The following CASTOR2 variants were observed in gnomAD, a reference collection of about 807,000 sequenced individuals.
CASTOR2 encodes cytosolic arginine sensor for mTORC1 subunit 2, also known as GATS protein like 2.
A neutral mutation model predicts 31.2 loss-of-function variants in CASTOR2; 8 were observed. That is an observed-to-expected ratio of 0.26 (90% CI 0.15 to 0.46). The LOEUF (loss-of-function observed/expected upper bound fraction) is 0.46, where lower values mean the gene tolerates loss of function less well. Ranked by LOEUF, CASTOR2 falls within the 20% of genes least tolerant of loss-of-function variation. The probability of loss-of-function intolerance (pLI) is 0.99; values close to 1 mark genes in which losing one functional copy is unlikely to be tolerated. For synonymous variants in CASTOR2, 162 were observed against 158.7 expected (o/e 1.02, Z -0.16); for missense variants, 216 against 382.1 (o/e 0.57, Z 3.62).
intron 1 of CASTOR2, among the ~76,000 whole-genome samples, chr7:74,984,123 G>A (rs1271859437): frequency 2.7e-5 from 4 of 149,170 alleles, no homozygotes; most frequent in African/African-American, 9.9e-5. Flanking sequence ...TTGTCTGGGG[G>A]CATTCTAAAA....
At position 75,021,794 on chromosome 7, in the gene CASTOR2, T is replaced by G. The variant is rs1001205301; in HGVS notation, c.747-80T>G. 7.6e-5 allele frequency: 116 copies of G among 1,518,684 alleles called. No individual in the cohort carries two copies. The African/African-American group carries it at 1.3e-3, about 17-fold the overall frequency. 94.1% of individuals were successfully genotyped at this position (1,518,684 alleles called of 1,614,324 possible). ...CTGCCTGGCCAGCCCCATGCCTCGCTCTGGCTGGTGCACCAGCACACCAAG... is the reference window on the plus strand; with the variant it reads ...CTGCCTGGCCAGCCCCATGCCTCGCGCTGGCTGGTGCACCAGCACACCAAG... On this transcript the variant is annotated intron_variant, in intron 6 of 8. Transcript: ENST00000616305.
intron 1 of CASTOR2, among the ~76,000 whole-genome samples, chr7:75,000,183 G>A (rs1335756129): frequency 6.6e-6 from 1 of 152,316 alleles, no homozygotes; most frequent in African/African-American, 2.4e-5. Context: ...CTATGATCAT[G>A]CCAGTGCACT....
intron 2 of CASTOR2, among the ~76,000 whole-genome samples, chr7:75,009,265 T>TTTC (rs1382468771): frequency 3.5e-5 from 4 of 113,264 alleles, no homozygotes; most frequent in Admixed American, 8.9e-5. Context: ...CTGAGAACTT[T>TTTC]TTTTTTTTTT....
At chr7:74,990,255 G>A (rs1554437168) in intron 1 of CASTOR2, among the ~76,000 whole-genome samples, 1 of 152,000 alleles carries the variant, frequency 6.6e-6, no homozygotes, top group Non-Finnish European at 1.5e-5. Context: ...GGGCATGGTA[G>A]TGGTTGCCTG....
chr7:74,977,171 T>G (rs1584458649), intron 1 of CASTOR2, among the ~76,000 whole-genome samples: 1 of 103,464 alleles, frequency 9.7e-6, no homozygotes, highest in Non-Finnish European at 1.8e-5. Flanking sequence ...GTGACAAGAG[T>G]GAAACTCCAT....
At chr7:75,021,984 A>C (rs1805016284) in intron 7 of CASTOR2, 28 bp downstream of exon 7, 7 of 1,549,554 alleles carry the variant, frequency 4.5e-6, no homozygotes, top group Non-Finnish European at 6.1e-6. Context: ...TACATGGGGA[A>C]TTGAGGGAGC....
chr7:75,010,312 TA>T (rs1360816175), intron 2 of CASTOR2, among the ~76,000 whole-genome samples: 1 of 151,982 alleles, frequency 6.6e-6, no homozygotes, highest in Non-Finnish European at 1.5e-5. Flanking sequence ...GTCCAGCCTC[TA>T]AAAAAGGGGA....
chr7:74,992,265 G>T (rs1417060719), intron 1 of CASTOR2, among the ~76,000 whole-genome samples: 1 of 152,044 alleles, frequency 6.6e-6, no homozygotes, highest in Non-Finnish European at 1.5e-5. Flanking sequence ...GTCTAAAGAT[G>T]ATCTATTCCA....
intron 1 of CASTOR2, among the ~76,000 whole-genome samples, chr7:75,001,962 G>T (rs1475384619): frequency 6.6e-6 from 1 of 152,188 alleles, no homozygotes; most frequent in Non-Finnish European, 1.5e-5. Context: ...GTCCACAGTG[G>T]CCTGAAAGTC....
intron 1 of CASTOR2, among the ~76,000 whole-genome samples, chr7:74,994,906 G>A (rs1804304338): frequency 6.6e-6 from 1 of 152,194 alleles, no homozygotes; most frequent in Admixed American, 6.6e-5. Flanking sequence ...CCCCTTGAGA[G>A]CTGCCTACGC....
intron 1 of CASTOR2, among the ~76,000 whole-genome samples, chr7:74,978,442 TAAA>T (rs1554436000): frequency 9.3e-6 from 1 of 107,788 alleles, no homozygotes; most frequent in African/African-American, 3.7e-5. Context: ...CACTAAGGCC[TAAA>T]GATGGAAGTG....
intron 1 of CASTOR2, among the ~76,000 whole-genome samples, chr7:75,007,142 ACT>A (rs1487672501): frequency 6.6e-6 from 1 of 151,874 alleles, no homozygotes; most frequent in East Asian, 1.9e-4. Flanking sequence ...TGCCTGCAAT[ACT>A]CTCTAGGGTG....
chr7:75,021,151 CCT>C (rs1804992555), intron 6 of CASTOR2, among the ~76,000 whole-genome samples: 1 of 152,078 alleles, frequency 6.6e-6, no homozygotes, highest in East Asian at 1.9e-4. Flanking sequence ...ACCACCATAC[CCT>C]GTTTATTTTT....
intron 2 of CASTOR2, among the ~76,000 whole-genome samples, chr7:75,017,166 C>T (rs1804882537): frequency 6.6e-6 from 1 of 150,582 alleles, no homozygotes; most frequent in Non-Finnish European, 1.5e-5. Flanking sequence ...CAATCCCATC[C>T]GGCTGGGTGC....
At chr7:75,010,048 G>A (rs1439097912) in intron 2 of CASTOR2, among the ~76,000 whole-genome samples, 1 of 151,868 alleles carries the variant, frequency 6.6e-6, no homozygotes, top group African/African-American at 2.4e-5. Context: ...GAGTAGAGGC[G>A]TGTACTGCTG....
At chr7:75,012,702 G>A (rs1339084589) in intron 2 of CASTOR2, among the ~76,000 whole-genome samples, 5 of 150,728 alleles carry the variant, frequency 3.3e-5, no homozygotes, top group African/African-American at 1.2e-4. Flanking sequence ...GTAGTGGCAT[G>A]ATCTCAGCTC....
chr7:74,993,387 T>G (rs1253038661), intron 1 of CASTOR2, among the ~76,000 whole-genome samples: 3 of 151,508 alleles, frequency 2.0e-5, no homozygotes, highest in Admixed American at 2.0e-4. Context: ...GACTTGATTC[T>G]GGGCTTCTCC....
At chr7:74,985,823 A>G (rs1804049676) in intron 1 of CASTOR2, among the ~76,000 whole-genome samples, 1 of 152,108 alleles carries the variant, frequency 6.6e-6, no homozygotes, top group African/African-American at 2.4e-5. Flanking sequence ...TGGTTGCTCC[A>G]GATGGATACC....
At chr7:74,993,132 G>A (rs1208873449) in intron 1 of CASTOR2, among the ~76,000 whole-genome samples, 1 of 151,924 alleles carries the variant, frequency 6.6e-6, no homozygotes, top group Admixed American at 6.6e-5. Flanking sequence ...CCCAGGAGGG[G>A]GATGTTGCAT....
Sources: allele counts gnomAD v4.1 joint callset (sites outside exome capture counted in the v4.1 genomes callset), GRCh38; gene constraint gnomAD v4.1.1; transcripts MANE v1.5; gene names NCBI Gene and HGNC (gene_info 2026-07-23, HGNC 2026-07-21).